CIT: variants seen among roughly 807,000 people sequenced by gnomAD.
The protein encoded by CIT is citron rho-interacting serine/threonine kinase, also known as citron Rho-interacting kinase.
CIT carries 79 observed loss-of-function variants against 272.7 expected under a neutral mutation model. That is an observed-to-expected ratio of 0.29 (90% CI 0.24 to 0.35). CIT has a LOEUF of 0.35. Among genes scored for constraint, CIT ranks in the 10% least tolerant of loss-of-function variants. The pLI is 1.00. For synonymous variants in CIT, 948 were observed against 995.6 expected, an observed-to-expected ratio of 0.95 and a Z score of 0.90; for missense variants, 1,909 against 2,618.3, an observed-to-expected ratio of 0.73 and a Z score of 5.91.
chr12:119,821,294 T>C (rs1967691082), intron 9 of CIT, among the ~76,000 whole-genome samples: 2 of 143,852 alleles, frequency 1.4e-5, no homozygotes, highest in African/African-American at 5.1e-5. Flanking sequence ...AAACTCCGTC[T>C]CAAAAAAAAA....
rs1958266246 is a variant in CIT at position 119,728,659 on chromosome 12, GACA to G, written c.3487-56_3487-54del. 1 of 1,228,346 alleles carries G rather than the reference GACA, an allele frequency of 8.1e-7. No homozygotes were observed. The highest frequency in any genetic ancestry group is 2.3e-5 in the East Asian group (1 of 42,896). The allele number at this position is 1,228,346 out of a possible 1,614,324, so 76.1% of individuals were successfully genotyped here. A position where few individuals can be genotyped will look rare whatever the true frequency, so the allele number is the denominator to read the frequency against. Reference sequence around the variant, plus strand: ...GCCACACTTAGGAATGTTAGATGCTGACAACGTTTATGAATGTCCACGAACCTT... The same window carrying G: ...GCCACACTTAGGAATGTTAGATGCTGACGTTTATGAATGTCCACGAACCTT... On this transcript the variant is annotated intron_variant, in intron 27 of 47. Coordinates refer to ENST00000392521, the MANE Select transcript of CIT (RefSeq NM_001206999.2). This position sits in a 1 kb window ranked among gnomAD's most constrained non-coding sequence, Gnocchi z 4.3.
chr12:119,757,889 G>A (rs1961230457), intron 21 of CIT, among the ~76,000 whole-genome samples: 1 of 151,968 alleles, frequency 6.6e-6, no homozygotes, highest in African/African-American at 2.4e-5. Context: ...TTAGATTAAT[G>A]TACAAGGGCA....
chr12:119,730,693 C>G, intron 26 of CIT, 63 bp from the exon 27 acceptor site: 3 of 1,566,612 alleles, frequency 1.9e-6, no homozygotes, highest in Non-Finnish European at 2.6e-6. Context: ...GGAAAGAAGG[C>G]TGGTCCGTCT....
Position 119,718,471 on chromosome 12 carries a change from C to T in CIT, c.4004-62G>A. On this transcript the variant is annotated intron_variant, in intron 31 of 47. Transcript: ENST00000392521. This position sits in a 1 kb window ranked among gnomAD's most constrained non-coding sequence, Gnocchi z 4.8. ...GGGTCGCCTAGAGGACCAAACTAAG[C>T]CGAATGTCCCTGGGCTATCTTTCAA... 1.3e-6 allele frequency: 2 copies of T among 1,545,546 alleles called. No homozygotes were observed. The highest frequency in any genetic ancestry group is 1.9e-5 in the Admixed American group (1 of 53,202).
chr12:119,833,233 A>G (rs1336837993), intron 6 of CIT, among the ~76,000 whole-genome samples: 1 of 152,218 alleles, frequency 6.6e-6, no homozygotes, highest in Non-Finnish European at 1.5e-5. Flanking sequence ...TCCCAAGGTC[A>G]TGTAGCTAGG....
chr12:119,799,476 C>T (rs552661436), intron 10 of CIT, among the ~76,000 whole-genome samples: 1 of 152,286 alleles, frequency 6.6e-6, no homozygotes, highest in Admixed American at 6.5e-5. Context: ...ATGGCAACAG[C>T]CACTCTTCCT....
At chr12:119,782,495 T>C in intron 13 of CIT, 23 bp downstream of exon 13, 1 of 1,612,406 alleles carries the variant, frequency 6.2e-7, no homozygotes. Flanking sequence ...GATGCTGCTG[T>C]GCTCCCAGGC....
chr12:119,784,630 A>G lies in CIT; in HGVS notation c.1401+330T>C. On this transcript the variant is annotated intron_variant, in intron 11 of 47. Transcript: ENST00000392521. This position sits in a 1 kb window ranked among gnomAD's most constrained non-coding sequence, Gnocchi z 4.7. ...AGACTAGGAAGAGAGACTTCGCATC[A>G]CTCAAAGCAGATGGGATGTATCTCA... is the stretch of plus-strand genomic sequence containing the variant. The G allele has an allele frequency of 8.2e-7, 1 of 1,226,674 alleles. No individual in the cohort carries two copies. The highest frequency in any genetic ancestry group is 1.0e-6 in the Non-Finnish European group (1 of 977,176). 76.0% of individuals were successfully genotyped at this position (1,226,674 alleles called of 1,614,324 possible).
At chr12:119,859,555 G>T (rs1234343396) in intron 3 of CIT, among the ~76,000 whole-genome samples, 4 of 151,874 alleles carry the variant, frequency 2.6e-5, no homozygotes, top group Admixed American at 1.3e-4. Flanking sequence ...AGTAGCTCAC[G>T]CCTGTAATCC....
chr12:119,780,184 A>G (rs1325489628), intron 13 of CIT, among the ~76,000 whole-genome samples: 1 of 152,234 alleles, frequency 6.6e-6, no homozygotes, highest in Non-Finnish European at 1.5e-5. Context: ...TTTCCTGAGT[A>G]GGGGAGCAAG....
chr12:119,772,621 G>T, intron 17 of CIT, 149 bp downstream of exon 17: 1 of 803,264 alleles, frequency 1.2e-6, no homozygotes, highest in Non-Finnish European at 1.8e-6. Context: ...GGGGGGAAAT[G>T]ATTCCCAGCC....
At chr12:119,829,230 C>T (rs1316862968) in intron 7 of CIT, among the ~76,000 whole-genome samples, 4 of 151,838 alleles carry the variant, frequency 2.6e-5, no homozygotes, top group African/African-American at 4.8e-5. Context: ...CCCAGCTACT[C>T]GGGGAGCTGA....
intron 19 of CIT, among the ~76,000 whole-genome samples, chr12:119,763,374 C>T (rs1253451192): frequency 5.3e-5 from 1 of 18,730 alleles, no homozygotes; most frequent in Non-Finnish European, 1.0e-4. Context: ...ATGTGTGCCA[C>T]CTGCCTGGCT....
intron 10 of CIT, among the ~76,000 whole-genome samples, chr12:119,787,722 C>T (rs1432051769): frequency 2.2e-5 from 2 of 89,934 alleles, no homozygotes; most frequent in African/African-American, 7.9e-5. Context: ...CAGAGTGAGA[C>T]TCCGTCTCAA....
chr12:119,713,906 G>A lies in CIT; in HGVS notation c.4307-258C>T, dbSNP rs767585444. On this transcript the variant is annotated intron_variant, in intron 33 of 47. Transcript: ENST00000392521. The surrounding 1 kb of genome is among the most constrained non-coding windows in gnomAD (Gnocchi z 5.2). ...AAACAGGTGTGTAAAGAACACGTTTGCATGTTTCAGTTGGAGTCAGCGGAA... is the reference window on the plus strand; with the variant it reads ...AAACAGGTGTGTAAAGAACACGTTTACATGTTTCAGTTGGAGTCAGCGGAA... 45 of 605,808 alleles carry A rather than the reference G, an allele frequency of 7.4e-5. No individual in the cohort carries two copies. The highest frequency in any genetic ancestry group is 1.0e-4 in the Non-Finnish European group (36 of 343,082). The allele number at this position is 605,808 out of a possible 1,614,324, so 37.5% of individuals were successfully genotyped here. A position where few individuals can be genotyped will look rare whatever the true frequency, so the allele number is the denominator to read the frequency against.
Position 119,770,134 on chromosome 12 carries a change from G to A in CIT, c.2208+651C>T, listed in dbSNP as rs922703315. On this transcript the variant is annotated intron_variant, in intron 18 of 47. Coordinates refer to ENST00000392521, the MANE Select transcript of CIT (RefSeq NM_001206999.2). The surrounding 1 kb of genome is among the most constrained non-coding windows in gnomAD (Gnocchi z 4.4). ...TCTTCCACCCTGGCAGGGGCAAAAC[G>A]TCAACACATCTGCAAATACCACCCG... Among the ~76,000 whole-genome samples, 5 of 152,124 alleles carry A rather than the reference G, an allele frequency of 3.3e-5. No individual in the cohort carries two copies. Among genetic ancestry groups the A allele is most frequent in the African/African-American group, 7.2e-5 (3 of 41,418 alleles).
chr12:119,708,655 T>C (rs1300106185), intron 39 of CIT, among the ~76,000 whole-genome samples: 1 of 151,910 alleles, frequency 6.6e-6, no homozygotes, highest in African/African-American at 2.4e-5. Flanking sequence ...CTGGCTAATT[T>C]TTTTTTGTAT....
intron 5 of CIT, among the ~76,000 whole-genome samples, chr12:119,839,450 T>C (rs1969248343): frequency 1.3e-5 from 2 of 152,196 alleles, no homozygotes; most frequent in South Asian, 4.1e-4. Flanking sequence ...GCGGCATCGT[T>C]ATCCGCTCTG....
intron 9 of CIT, among the ~76,000 whole-genome samples, chr12:119,813,488 C>G (rs1410263859): frequency 6.6e-6 from 1 of 152,176 alleles, no homozygotes; most frequent in African/African-American, 2.4e-5. Context: ...GCAATCACCA[C>G]ACTCATAGAA....
Sources: allele counts gnomAD v4.1 joint callset (sites outside exome capture counted in the v4.1 genomes callset), GRCh38; gene constraint gnomAD v4.1.1; non-coding constraint Gnocchi (gnomAD v3.1); transcripts MANE v1.5; gene names NCBI Gene and HGNC (gene_info 2026-07-23, HGNC 2026-07-21).